Variants in DCDC1 observed in about 807,000 individuals in gnomAD.
The protein encoded by DCDC1 is doublecortin domain-containing protein 1.
A neutral mutation model predicts 178.3 loss-of-function variants in DCDC1; 200 were observed. That is an observed-to-expected ratio of 1.12 (90% CI 1.00 to 1.26). DCDC1 has a LOEUF of 1.26. Ranked by LOEUF, DCDC1 falls within the 50% of genes most tolerant of loss-of-function variation. The pLI, the probability that DCDC1 is intolerant of heterozygous loss-of-function variation, is 0.00. For synonymous variants in DCDC1, 690 were observed against 604.8 expected (o/e 1.14, Z -2.07); for missense variants, 1,983 against 1,749.2 (o/e 1.13, Z -2.38).
At chr11:31,213,169 TTTACCAGGGCAGTGGTTTG>T (rs1972980421) in intron 9 of DCDC1, among the ~76,000 whole-genome samples, 1 of 121,988 alleles carries the variant, frequency 8.2e-6, no homozygotes, top group Non-Finnish European at 1.7e-5. Flanking sequence ...CTCTGCTTTC[TTTACCAGGGCAGTGGTTTG>T]CTGTCCTCCA....
At chr11:31,095,778 A>G (rs181384674) in intron 15 of DCDC1, among the ~76,000 whole-genome samples, 54 of 152,252 alleles carry the variant, frequency 3.5e-4, no homozygotes, top group Non-Finnish European at 7.1e-4. Context: ...CACTCACATC[A>G]CTTGTAGGAA....
intron 18 of DCDC1, among the ~76,000 whole-genome samples, chr11:31,074,172 G>A (rs898806059): frequency 1.3e-5 from 2 of 152,160 alleles, no homozygotes; most frequent in African/African-American, 4.8e-5. Flanking sequence ...CTCAGATCCA[G>A]TTCACATCAG....
intron 3 of DCDC1, among the ~76,000 whole-genome samples, chr11:31,319,148 G>C (rs1351803522): frequency 5.7e-5 from 1 of 17,612 alleles, no homozygotes; most frequent in Admixed American, 6.3e-4. Context: ...ATTTGGGGTG[G>C]AGAGTTCTGT....
At chr11:30,911,743 G>A (rs1315709706) in intron 27 of DCDC1, among the ~76,000 whole-genome samples, 2 of 152,176 alleles carry the variant, frequency 1.3e-5, no homozygotes, top group East Asian at 3.9e-4. Context: ...TTCATAGCCC[G>A]GGCTTGCCTA....
chr11:30,898,515 C>G (rs1332458762), intron 34 of DCDC1, among the ~76,000 whole-genome samples: 4 of 152,118 alleles, frequency 2.6e-5, no homozygotes, highest in African/African-American at 9.7e-5. Flanking sequence ...AGAATGACTT[C>G]CAGGTTTTTG....
chr11:31,247,493 A>C (rs1943647849), intron 8 of DCDC1, among the ~76,000 whole-genome samples: 1 of 151,860 alleles, frequency 6.6e-6, no homozygotes, highest in Admixed American at 6.6e-5. Flanking sequence ...TTGAGAGTGA[A>C]GAGGTACTGT....
chr11:31,199,816 A>C (rs544044124), intron 9 of DCDC1, among the ~76,000 whole-genome samples: 23 of 152,162 alleles, frequency 1.5e-4, no homozygotes, highest in Non-Finnish European at 3.1e-4. Context: ...TGCTAGTCCA[A>C]AACAGGATTG....
In DCDC1 at chr11:30,920,883, C is replaced by G. The variant is rs1450322677; in HGVS notation, c.3186G>C (p.Val1062=). 1 of 1,613,046 alleles carries G rather than the reference C, an allele frequency of 6.2e-7. No homozygotes were observed. The highest frequency in any genetic ancestry group is 1.3e-5 in the African/African-American group (1 of 74,914). The change falls in exon 25 of 39, where the codon GTG becomes GTC. Residue 1062 remains valine, a synonymous_variant. Coordinates refer to ENST00000684477, the MANE Select transcript of DCDC1 (RefSeq NM_001387274.1). ...SDIVSGSKLA[V]HKPVAIFGEE... ...CTCCAAAAATTGCTACAGGTTTATG[C>G]ACAGCAAGCTTGCTTCCAGATACAA...
At chr11:31,040,540 A>G (rs1954373842) in intron 20 of DCDC1, among the ~76,000 whole-genome samples, 1 of 152,216 alleles carries the variant, frequency 6.6e-6, no homozygotes, top group Non-Finnish European at 1.5e-5. Context: ...GGTTGACACT[A>G]AAGCTAGTAA....
At position 30,894,400 on chromosome 11, in the gene DCDC1, T is replaced by C; in HGVS notation, c.4766-16A>G. ...ACTCGCCGCCCTGAGGAAACAAGTC[T>C]CTAGAAATTTTGTTTCTGATGATAG... On this transcript the variant is annotated splice_polypyrimidine_tract_variant and intron_variant, in intron 34 of 38. Coordinates refer to ENST00000684477, the MANE Select transcript of DCDC1 (RefSeq NM_001387274.1). 1 of 1,603,728 alleles carries C rather than the reference T, an allele frequency of 6.2e-7. No individual in the cohort carries two copies. Among genetic ancestry groups the C allele is most frequent in the Non-Finnish European group, 8.5e-7 (1 of 1,177,020 alleles).
intron 9 of DCDC1, among the ~76,000 whole-genome samples, chr11:31,223,440 T>C (rs1974522309): frequency 1.3e-5 from 2 of 152,166 alleles, no homozygotes; most frequent in African/African-American, 4.8e-5. Flanking sequence ...AAACAGACAA[T>C]AGCCCACAAT....
rs564687825 is a variant in DCDC1, at chr11:31,358,245, G to C, written c.-125+11452C>G. Among the ~76,000 whole-genome samples the C allele has an allele frequency of 3.9e-5, 6 of 152,158 alleles. No homozygotes were observed. The East Asian group carries it at 9.7e-4, about 24-fold the overall frequency. On this transcript the variant is annotated intron_variant, in intron 1 of 38. Transcript: ENST00000684477. ...GTACTGGTACCAAAACAGAGATATA[G>C]ATCAATGGAACAGAGCAGAGCCCTC... is the stretch of plus-strand genomic sequence containing the variant.
intron 21 of DCDC1, among the ~76,000 whole-genome samples, chr11:30,936,998 C>G (rs916050186): frequency 6.6e-6 from 1 of 152,150 alleles, no homozygotes; most frequent in Non-Finnish European, 1.5e-5. Context: ...CCTTCCCCAA[C>G]CCACACAAGG....
At position 30,906,701 on chromosome 11, in the gene DCDC1, CA is replaced by C. The variant is rs1945089854; in HGVS notation, c.3942del (p.Asp1314GlufsTer16). On this transcript the variant is annotated frameshift_variant, in exon 30 of 39. Coordinates refer to ENST00000684477, the MANE Select transcript of DCDC1 (RefSeq NM_001387274.1). LOFTEE classifies it high-confidence loss of function. The part of the protein sequence containing the change: ...DQPGYCYLSP[D>X]GKRKTMLCLA... ...AAGCAGAGCATAGTTTTTCTCTTTC[CA>C]TCAGGTGAGAGATAACAGTATCCCT... The C allele has an allele frequency of 1.2e-6, 2 of 1,613,326 alleles. No individual in the cohort carries two copies. Among genetic ancestry groups the C allele is most frequent in the Admixed American group, 3.3e-5 (2 of 59,958 alleles).
chr11:31,213,994 TGGG>T (rs1258190605), intron 9 of DCDC1, among the ~76,000 whole-genome samples: 1 of 152,018 alleles, frequency 6.6e-6, no homozygotes, highest in Non-Finnish European at 1.5e-5. Context: ...ATAGTTTTGG[TGGG>T]GGGGACTTCC....
rs138284739 is a variant in DCDC1, at chr11:31,038,326, C to G, written c.2591+26143G>C. 2.0e-3 allele frequency among the ~76,000 whole-genome samples: 301 copies of G among 152,076 alleles called. 1 individual carries two copies. The highest frequency in any genetic ancestry group is 7.0e-3 in the African/African-American group (289 of 41,468). On this transcript the variant is annotated intron_variant, in intron 20 of 38. Transcript: ENST00000684477. ...GGAGAGTATTTGTGAATTTTTTTCA[C>G]TCTTTTGAGCACCATACTTAATTTT...
chr11:30,894,929 GTAGTAAGAGAAAATA>G (rs1295843877), intron 34 of DCDC1, among the ~76,000 whole-genome samples: 8 of 152,256 alleles, frequency 5.3e-5, no homozygotes, highest in Admixed American at 2.0e-4. Flanking sequence ...TTAGGAAGCT[GTAGTAAGAGAAAATA>G]TTTATTGGAA....
At chr11:31,043,308 A>C (rs539701819) in intron 20 of DCDC1, among the ~76,000 whole-genome samples, 1 of 152,204 alleles carries the variant, frequency 6.6e-6, no homozygotes, top group Non-Finnish European at 1.5e-5. Context: ...TTGCTGGTAC[A>C]TACTTCTGGT....
Position 31,127,647 on chromosome 11 carries a change from G to A in DCDC1, c.1315-8C>T, listed in dbSNP as rs1961832443. On this transcript the variant is annotated splice_region_variant and splice_polypyrimidine_tract_variant and intron_variant, in intron 10 of 38. Transcript: ENST00000684477. ...ATCAATCAGCCTGCTCACCTGAAGG[G>A]GTTAAATTACAAGAGTTGTTAGCGA... is the stretch of plus-strand genomic sequence containing the variant. The A allele has an allele frequency of 1.4e-6, 1 of 700,768 alleles. No homozygotes were observed. The highest frequency in any genetic ancestry group is 2.6e-6 in the Non-Finnish European group (1 of 383,930). 43.4% of individuals were successfully genotyped at this position (700,768 alleles called of 1,614,324 possible). A position where few individuals can be genotyped will look rare whatever the true frequency, so the allele number is the denominator to read the frequency against.
Sources: allele counts gnomAD v4.1 joint callset (sites outside exome capture counted in the v4.1 genomes callset), GRCh38; gene constraint gnomAD v4.1.1; transcripts MANE v1.5; gene names NCBI Gene and HGNC (gene_info 2026-07-23, HGNC 2026-07-21).